TOMM7: variants seen among roughly 807,000 people sequenced by gnomAD.
The protein encoded by TOMM7 is mitochondrial import receptor subunit TOM7 homolog.
Under a neutral mutation model 9.5 loss-of-function variants are expected in TOMM7, and 8 were observed. The observed-to-expected ratio is 0.84, with a 90% CI of 0.49 to 1.51. TOMM7 has a LOEUF of 1.51. TOMM7 is among the 40% of genes most tolerant of loss of function. TOMM7 has a pLI of 0.00. For synonymous variants in TOMM7, 27 were observed against 21.4 expected (o/e 1.26, Z -0.72); for missense variants, 74 against 63.7 (o/e 1.16, Z -0.55).
intron 1 of TOMM7, chr7:22,818,385 C>A (rs943680195): frequency 5.4e-6 from 1 of 186,648 alleles, no homozygotes; most frequent in African/African-American, 2.4e-5. Context: ...TCAAGCTATT[C>A]TCCTGTCTCA....
chr7:22,820,326 G>A (rs558407482), intron 1 of TOMM7, among the ~76,000 whole-genome samples: 4 of 152,138 alleles, frequency 2.6e-5, no homozygotes, highest in Non-Finnish European at 5.9e-5. Context: ...GGTAGTCCTA[G>A]GAAGGGAATA....
chr7:22,815,580 A>C (rs1782307414), intron 2 of TOMM7, among the ~76,000 whole-genome samples: 1 of 152,172 alleles, frequency 6.6e-6, no homozygotes, highest in African/African-American at 2.4e-5. Context: ...GACCATCAAG[A>C]GATGAGGGTC....
chr7:22,822,328 G>C, intron 1 of TOMM7: 5 of 1,496,740 alleles, frequency 3.3e-6, no homozygotes, highest in Non-Finnish European at 4.5e-6. Flanking sequence ...GGAGCGGTGA[G>C]GAAAAACACC....
In TOMM7 at chr7:22,822,766, C is replaced by T. The variant is rs1782412879; in HGVS notation, c.14G>A (p.Ser5Asn). 1.9e-6 allele frequency: 3 copies of T among 1,614,192 alleles called. No individual in the cohort carries two copies. The highest frequency in any genetic ancestry group is 2.5e-6 in the Non-Finnish European group (3 of 1,180,018). The change falls in exon 1 of 3, where the codon AGC (serine) becomes AAC (asparagine). Residue 5 changes from serine (S) to asparagine (N), a missense_variant. Coordinates refer to ENST00000358435, the MANE Select transcript of TOMM7 (RefSeq NM_019059.5). MVKL[S>N]KEAKQRLQQL... ...CTGTAGTCTCTGCTTGGCCTCTTTG[C>T]TCAGCTTCACCATGGCGACGGCCGT...
At chr7:22,822,476 C>T in intron 1 of TOMM7, 1 of 703,160 alleles carries the variant, frequency 1.4e-6, no homozygotes, top group South Asian at 1.9e-5. Flanking sequence ...TGCAAGACTG[C>T]TTAAAGACCA....
In TOMM7 at chr7:22,813,066, T is replaced by C; in HGVS notation, c.*104A>G. On this transcript the variant is annotated 3_prime_UTR_variant, in exon 3 of 3. Transcript: ENST00000358435. Reference sequence around the variant, plus strand: ...TGCGTCTGTGAAGAGCCTTGTGCCATCCAACTAGTGACTGAATGATGTCCC... The same window carrying C: ...TGCGTCTGTGAAGAGCCTTGTGCCACCCAACTAGTGACTGAATGATGTCCC... 8.4e-7 allele frequency: 1 copy of C among 1,190,290 alleles called. No homozygotes were observed. The highest frequency in any genetic ancestry group is 1.7e-5 in the Admixed American group (1 of 58,594). 73.7% of individuals were successfully genotyped at this position (1,190,290 alleles called of 1,614,324 possible).
At chr7:22,822,429 C>T (rs984637052) in intron 1 of TOMM7, 14 of 808,444 alleles carry the variant, frequency 1.7e-5, no homozygotes, top group Middle Eastern at 2.8e-4. Flanking sequence ...GAAATATGAC[C>T]TCCACTTTAA....
intron 1 of TOMM7, chr7:22,822,330 A>T: frequency 6.7e-7 from 1 of 1,491,760 alleles, no homozygotes; most frequent in Non-Finnish European, 9.0e-7. Flanking sequence ...AGCGGTGAGG[A>T]AAAACACCCC....
At chr7:22,820,028 G>A (rs1782366714) in intron 1 of TOMM7, among the ~76,000 whole-genome samples, 3 of 152,148 alleles carry the variant, frequency 2.0e-5, no homozygotes, top group Middle Eastern at 3.2e-3. Flanking sequence ...GAGAGTTGAG[G>A]TGGAGGAAGT....
At chr7:22,818,322 G>T (rs1583463485) in intron 1 of TOMM7, 1 of 300,668 alleles carries the variant, frequency 3.3e-6, no homozygotes, top group East Asian at 7.4e-5. Context: ...AGGCTGGAGT[G>T]CTGTGGTATG....
intron 2 of TOMM7, among the ~76,000 whole-genome samples, chr7:22,816,935 C>G (rs533228515): frequency 1.3e-5 from 2 of 152,164 alleles, no homozygotes; most frequent in Non-Finnish European, 2.9e-5. Context: ...CTGACACATT[C>G]TAGGTGATAG....
chr7:22,821,654 G>C (rs966275251), intron 1 of TOMM7, among the ~76,000 whole-genome samples: 15 of 151,908 alleles, frequency 9.9e-5, no homozygotes, highest in Non-Finnish European at 1.0e-4. Flanking sequence ...GGAGGCTAAG[G>C]GGGAAGGATC....
At chr7:22,822,569 C>T in intron 1 of TOMM7, 108 bp downstream of exon 1, 1 of 967,858 alleles carries the variant, frequency 1.0e-6, no homozygotes, top group Non-Finnish European at 1.6e-6. Context: ...GGGCCGTGCA[C>T]GGCAGTGTCC....
chr7:22,822,375 C>A, intron 1 of TOMM7: 1 of 1,229,764 alleles, frequency 8.1e-7, no homozygotes, highest in Non-Finnish European at 1.1e-6. Context: ...GAATTAGTGA[C>A]TTTCACATCC....
At chr7:22,822,600 C>T (rs1163505616) in intron 1 of TOMM7, 77 bp downstream of exon 1, 1 of 1,338,886 alleles carries the variant, frequency 7.5e-7, no homozygotes, top group Non-Finnish European at 1.1e-6. Context: ...TCTCCCTCCC[C>T]CGACGGCCAA....
At chr7:22,818,536 T>C (rs979024495) in intron 1 of TOMM7, among the ~76,000 whole-genome samples, 3 of 152,132 alleles carry the variant, frequency 2.0e-5, no homozygotes, top group Admixed American at 1.3e-4. Flanking sequence ...CTGCCTCGAC[T>C]TTCCAAAGTG....
intron 1 of TOMM7, among the ~76,000 whole-genome samples, chr7:22,821,542 G>A (rs1003870394): frequency 2.0e-5 from 3 of 152,158 alleles, no homozygotes; most frequent in Non-Finnish European, 4.4e-5. Flanking sequence ...GAGGCCAGGA[G>A]TTTGAGGCCA....
intron 2 of TOMM7, among the ~76,000 whole-genome samples, chr7:22,813,680 C>A (rs1782278367): frequency 6.6e-6 from 1 of 151,538 alleles, no homozygotes; most frequent in African/African-American, 2.4e-5. Context: ...GCGATGTGGC[C>A]TAAGTGCCCT....
In TOMM7 at chr7:22,822,674, G is replaced by C. The variant is rs780549029; in HGVS notation, c.103+3C>G. The C allele has an allele frequency of 6.2e-7, 1 of 1,612,162 alleles. No homozygotes were observed. The highest frequency in any genetic ancestry group is 8.5e-7 in the Non-Finnish European group (1 of 1,178,270). The stretch of plus-strand genomic sequence containing the variant: ...TCACTTTCCCGGTTCTTCTCCCACT[G>C]ACCCAGGTAAATCACAAGAGGGATA... On this transcript the variant is annotated splice_donor_region_variant and intron_variant, in intron 1 of 2. Coordinates refer to ENST00000358435, the MANE Select transcript of TOMM7 (RefSeq NM_019059.5).
Sources: gnomAD v4.1 joint callset for allele counts (sites outside exome capture counted in the v4.1 genomes callset) on GRCh38, gnomAD v4.1.1 for gene constraint, MANE v1.5 for transcripts, NCBI Gene and HGNC (gene_info 2026-07-23, HGNC 2026-07-21) for gene names.